Variants in PMFBP1 observed in about 807,000 individuals in gnomAD.
PMFBP1 encodes the protein polyamine modulated factor 1 binding protein 1.
Under a neutral mutation model 137.8 loss-of-function variants are expected in PMFBP1, and 131 were observed. The ratio of observed to expected loss-of-function variants is 0.95; its 90% CI spans 0.82 to 1.10. The LOEUF (loss-of-function observed/expected upper bound fraction) is 1.10, where lower values mean the gene tolerates loss of function less well. Among genes scored for constraint, PMFBP1 ranks in the 50% least tolerant of loss-of-function variants. The pLI is 0.00. For synonymous variants in PMFBP1, 490 were observed against 450.4 expected (o/e 1.09, Z -1.11); for missense variants, 1,199 against 1,175.4 (o/e 1.02, Z -0.29).
the PMFBP1 span, among the ~76,000 whole-genome samples, chr16:72,220,572 A>G: frequency 6.6e-6 from 1 of 152,220 alleles, no homozygotes; most frequent in African/African-American, 2.4e-5. Flanking sequence ...TAGATTTTCT[A>G]TATAAACATT....
intron 9 of PMFBP1, 46 bp from the exon 10 acceptor site, chr16:72,133,037 TG>T: frequency 6.2e-7 from 1 of 1,602,130 alleles, no homozygotes; most frequent in Non-Finnish European, 8.5e-7. Flanking sequence ...TGAGTGGCAG[TG>T]GGTGAAGGCA....
At chr16:72,136,082 T>G (rs1324729681) in intron 9 of PMFBP1, among the ~76,000 whole-genome samples, 2 of 152,058 alleles carry the variant, frequency 1.3e-5, no homozygotes, top group African/African-American at 4.8e-5. Flanking sequence ...AAAGTGAAAT[T>G]CACTTGAAAT....
the PMFBP1 span, among the ~76,000 whole-genome samples, chr16:72,246,697 A>T: frequency 2.0e-5 from 3 of 152,118 alleles, no homozygotes; most frequent in Non-Finnish European, 4.4e-5. Context: ...CTCGCTGTAT[A>T]GGATAATGAT....
At chr16:72,142,369 G>A in intron 5 of PMFBP1, among the ~76,000 whole-genome samples, 1 of 151,960 alleles carries the variant, frequency 6.6e-6, no homozygotes, top group Non-Finnish European at 1.5e-5. Flanking sequence ...TAGATCTTCA[G>A]ACTAAAAGGA....
intron 2 of PMFBP1, among the ~76,000 whole-genome samples, chr16:72,166,534 TA>T (rs1339753369): frequency 2.0e-5 from 3 of 152,182 alleles, no homozygotes. Context: ...AGAGGGTTCT[TA>T]AGTGAGGATT....
chr16:72,128,598 T>C, intron 14 of PMFBP1, 59 bp downstream of exon 14: 1 of 1,613,592 alleles, frequency 6.2e-7, no homozygotes, highest in Non-Finnish European at 8.5e-7. Context: ...GGTACAGATT[T>C]CAGGTCAAGG....
At chr16:72,183,541 G>T in the PMFBP1 span, among the ~76,000 whole-genome samples, 1 of 152,124 alleles carries the variant, frequency 6.6e-6, no homozygotes, top group African/African-American at 2.4e-5. Flanking sequence ...CTTTTATAAG[G>T]ACACCAGTCA....
the PMFBP1 span, among the ~76,000 whole-genome samples, chr16:72,238,074 T>G: frequency 5.3e-5 from 8 of 152,366 alleles, no homozygotes; most frequent in South Asian, 4.1e-4. Flanking sequence ...TGATGCCATG[T>G]CTTTGCTATT....
At chr16:72,208,957 T>C in the PMFBP1 span, among the ~76,000 whole-genome samples, 1 of 152,192 alleles carries the variant, frequency 6.6e-6, no homozygotes, top group Non-Finnish European at 1.5e-5. Flanking sequence ...GAATGTTAAG[T>C]GTAAAGAGTG....
upstream of PMFBP1, among the ~76,000 whole-genome samples, chr16:72,172,856 G>A (rs534823127): frequency 4.6e-5 from 7 of 152,306 alleles, no homozygotes; most frequent in South Asian, 1.5e-3. Context: ...AGCACATGCT[G>A]TTGGAAAAAT....
intron 7 of PMFBP1, among the ~76,000 whole-genome samples, chr16:72,137,061 A>T (rs1057033339): frequency 6.6e-6 from 1 of 152,166 alleles, no homozygotes; most frequent in Non-Finnish European, 1.5e-5. Context: ...ATATACTAAA[A>T]ACCAATGGTG....
chr16:72,175,845 T>C (rs2043257436), upstream of PMFBP1, among the ~76,000 whole-genome samples: 1 of 152,232 alleles, frequency 6.6e-6, no homozygotes, highest in Non-Finnish European at 1.5e-5. Context: ...AGGTTTTCTC[T>C]ATTTTTAAAA....
At chr16:72,139,472 A>G (rs2042683513) in intron 6 of PMFBP1, 73 bp from the exon 7 acceptor site, 1 of 1,147,712 alleles carries the variant, frequency 8.7e-7, no homozygotes, top group Non-Finnish European at 1.3e-6. Context: ...ATTATTTCAG[A>G]GTGTTCCTTT....
rs72787072 is a variant in PMFBP1, at chr16:72,120,111, C to T, written c.2769-22G>A. ...GTGGCTGTGGGAAGGAGAGGAAGGA[C>T]GGGTTGTGTTGGGGCTGCTGGCTCT... is the stretch of plus-strand genomic sequence containing the variant. On this transcript the variant is annotated intron_variant, in intron 19 of 20. Coordinates refer to ENST00000237353, the MANE Select transcript of PMFBP1 (RefSeq NM_031293.3). 16,615 of 1,614,096 alleles carry T rather than the reference C, an allele frequency of 0.01. 132 individuals carry two copies. The highest frequency in any genetic ancestry group is 0.013 in the Middle Eastern group (78 of 6,048).
intron 7 of PMFBP1, 47 bp from the exon 8 acceptor site, chr16:72,136,866 G>C: frequency 6.2e-7 from 1 of 1,610,856 alleles, no homozygotes; most frequent in South Asian, 1.1e-5. Context: ...AGAGACAATG[G>C]AGAGTGCTTT....
At chr16:72,135,349 G>GTC in intron 9 of PMFBP1, among the ~76,000 whole-genome samples, 1 of 145,578 alleles carries the variant, frequency 6.9e-6, no homozygotes, top group Non-Finnish European at 1.5e-5. Context: ...CTAATTTTGT[G>GTC]TGTGTGTGTG....
chr16:72,204,190 A>ATTTTTTTT, the PMFBP1 span, among the ~76,000 whole-genome samples: 1 of 140,210 alleles, frequency 7.1e-6, no homozygotes, highest in African/African-American at 2.6e-5. Flanking sequence ...ACTCATGCGC[A>ATTTTTTTT]TTTTTTTTTT....
chr16:72,223,482 A>C, the PMFBP1 span, among the ~76,000 whole-genome samples: 358 of 152,302 alleles, frequency 2.4e-3, 3 homozygotes, highest in African/African-American at 8.0e-3. Context: ...TGGCCCTAAC[A>C]GTTGTTTACA....
At chr16:72,219,446 C>A in the PMFBP1 span, among the ~76,000 whole-genome samples, 1 of 152,108 alleles carries the variant, frequency 6.6e-6, no homozygotes, top group Admixed American at 6.5e-5. Flanking sequence ...ACAGGTATAT[C>A]CACAGGACTT....
Sources: gnomAD v4.1 joint callset for allele counts (sites outside exome capture counted in the v4.1 genomes callset) on GRCh38, gnomAD v4.1.1 for gene constraint, MANE v1.5 for transcripts, NCBI Gene and HGNC (gene_info 2026-07-23, HGNC 2026-07-21) for gene names.